CPNE4: variants seen among roughly 807,000 people sequenced by gnomAD.
CPNE4 encodes the protein copine-4.
A neutral mutation model predicts 67.9 loss-of-function variants in CPNE4; 25 were observed. That is an observed-to-expected ratio of 0.37 (90% CI 0.27 to 0.51). CPNE4 has a LOEUF of 0.51. Ranked by LOEUF, CPNE4 falls within the 20% of genes least tolerant of loss-of-function variation. CPNE4 has a pLI of 0.93. For synonymous variants in CPNE4, 242 were observed against 244.9 expected, an observed-to-expected ratio of 0.99 and a Z score of 0.11; for missense variants, 464 against 690.8, an observed-to-expected ratio of 0.67 and a Z score of 3.68.
chr3:131,861,219 T>C (rs2086664395), intron 2 of CPNE4, among the ~76,000 whole-genome samples: 1 of 152,322 alleles, frequency 6.6e-6, no homozygotes, highest in South Asian at 2.1e-4. Flanking sequence ...CATAGGTTAT[T>C]GTTTACTGCT....
At chr3:131,937,039 AG>A (rs1188268767) in intron 1 of CPNE4, among the ~76,000 whole-genome samples, 3 of 152,156 alleles carry the variant, frequency 2.0e-5, no homozygotes, top group Admixed American at 1.3e-4. Flanking sequence ...ATATGAGAAA[AG>A]CAAAGAAGAA....
chr3:132,001,607 GAAA>G lies in CPNE4; in HGVS notation c.-2+32957_-2+32959del, dbSNP rs1290977919. 3.4e-5 allele frequency among the ~76,000 whole-genome samples: 5 copies of G among 147,518 alleles called. 1 individual carries two copies. Among genetic ancestry groups the G allele is most frequent in the African/African-American group, 7.7e-5 (3 of 38,880 alleles). ...AGAAAGAAAGAAAGAAAGAAAGAAA[GAAA>G]GAAAGAAAATGAAGAGGAAGAGGAG... On this transcript the variant is annotated intron_variant, in intron 1 of 15. Coordinates refer to ENST00000429747, the MANE Select transcript of CPNE4 (RefSeq NM_130808.3).
At chr3:131,995,545 G>A (rs1487663069) in intron 1 of CPNE4, among the ~76,000 whole-genome samples, 1 of 152,154 alleles carries the variant, frequency 6.6e-6, no homozygotes, top group African/African-American at 2.4e-5. Flanking sequence ...ATGCCTCAGT[G>A]TGAGAAAAGA....
At chr3:131,598,950 A>G (rs958345735) in intron 7 of CPNE4, among the ~76,000 whole-genome samples, 1 of 152,108 alleles carries the variant, frequency 6.6e-6, no homozygotes, top group Admixed American at 6.6e-5. Context: ...TCAAAATTAA[A>G]GGCCAATTGG....
chr3:131,666,032 G>A lies in CPNE4; in HGVS notation c.681+3643C>T, dbSNP rs536840072. On this transcript the variant is annotated intron_variant, in intron 7 of 15. Coordinates refer to ENST00000429747, the MANE Select transcript of CPNE4 (RefSeq NM_130808.3). ...AGATAAGTTGTTTATAAAGCTCAAT[G>A]AAAAAAACAGGTAAAATATCCAGGA... is the stretch of plus-strand genomic sequence containing the variant. Among the ~76,000 whole-genome samples the A allele has an allele frequency of 2.6e-5, 4 of 151,870 alleles. No homozygotes were observed. In the South Asian group the frequency reaches 6.2e-4, roughly 24 times the overall value.
chr3:131,978,844 C>T (rs914570505), intron 1 of CPNE4, among the ~76,000 whole-genome samples: 2 of 151,618 alleles, frequency 1.3e-5, no homozygotes, highest in Non-Finnish European at 2.9e-5. Flanking sequence ...ATGAACTTTC[C>T]TCTTAGCACT....
intron 2 of CPNE4, among the ~76,000 whole-genome samples, chr3:131,806,176 T>A (rs1192518065): frequency 6.6e-6 from 1 of 152,256 alleles, no homozygotes; most frequent in African/African-American, 2.4e-5. Flanking sequence ...TTTTGTTGGC[T>A]GGAAGCCATC....
At chr3:131,858,016 T>A (rs1470247777) in intron 2 of CPNE4, among the ~76,000 whole-genome samples, 1 of 152,142 alleles carries the variant, frequency 6.6e-6, no homozygotes, top group Non-Finnish European at 1.5e-5. Flanking sequence ...TTCAATTTTT[T>A]AGAATAACCA....
chr3:132,025,900 C>T (rs1423000674), intron 1 of CPNE4, among the ~76,000 whole-genome samples: 2 of 152,162 alleles, frequency 1.3e-5, no homozygotes, highest in Non-Finnish European at 2.9e-5. Flanking sequence ...TAGTGGAGCA[C>T]ATTTGAGGTG....
intron 14 of CPNE4, among the ~76,000 whole-genome samples, chr3:131,545,370 A>T (rs1280477503): frequency 1.3e-5 from 2 of 152,196 alleles, no homozygotes; most frequent in Non-Finnish European, 1.5e-5. Flanking sequence ...GTCTCCATGG[A>T]CTACTGCAAG....
At chr3:131,671,124 A>T (rs1560087812) in intron 6 of CPNE4, among the ~76,000 whole-genome samples, 1 of 152,168 alleles carries the variant, frequency 6.6e-6, no homozygotes, top group Non-Finnish European at 1.5e-5. Flanking sequence ...TATCCAAATA[A>T]CATAATTCTT....
At chr3:131,759,040 A>G (rs2107810040) in intron 2 of CPNE4, among the ~76,000 whole-genome samples, 1 of 152,254 alleles carries the variant, frequency 6.6e-6, no homozygotes, top group East Asian at 1.9e-4. Flanking sequence ...TCAAAGAGAG[A>G]GTCAAACAGG....
chr3:131,693,301 G>A (rs2081072322), intron 5 of CPNE4, among the ~76,000 whole-genome samples: 1 of 152,044 alleles, frequency 6.6e-6, no homozygotes, highest in African/African-American at 2.4e-5. Flanking sequence ...CTTTTGTTTT[G>A]TTGTATGTAT....
At chr3:131,845,204 T>C (rs1038942148) in intron 2 of CPNE4, among the ~76,000 whole-genome samples, 2 of 152,214 alleles carry the variant, frequency 1.3e-5, no homozygotes, top group African/African-American at 4.8e-5. Flanking sequence ...TGTTGCATCA[T>C]CATAACCACC....
intron 1 of CPNE4, among the ~76,000 whole-genome samples, chr3:132,005,867 T>C (rs1300379877): frequency 6.6e-6 from 1 of 152,060 alleles, no homozygotes; most frequent in Non-Finnish European, 1.5e-5. Context: ...GAAACAGTCC[T>C]TGCCTCCTGG....
chr3:131,612,210 C>A (rs1248789964), intron 7 of CPNE4, among the ~76,000 whole-genome samples: 1 of 152,042 alleles, frequency 6.6e-6, no homozygotes, highest in East Asian at 1.9e-4. Flanking sequence ...CCCATGTCTA[C>A]TAGAAATATG....
chr3:131,846,646 G>A (rs1156637310), intron 2 of CPNE4, among the ~76,000 whole-genome samples: 2 of 152,144 alleles, frequency 1.3e-5, no homozygotes, highest in Non-Finnish European at 2.9e-5. Flanking sequence ...AGAAAACATG[G>A]CAAAAATAGA....
chr3:132,006,801 G>A (rs776859391), intron 1 of CPNE4, among the ~76,000 whole-genome samples: 5 of 152,088 alleles, frequency 3.3e-5, no homozygotes, highest in Non-Finnish European at 7.4e-5. Flanking sequence ...CCGCAAAGGG[G>A]CAGTGTGGAG....
intron 7 of CPNE4, among the ~76,000 whole-genome samples, chr3:131,628,145 A>T (rs2079124584): frequency 6.6e-6 from 1 of 152,136 alleles, no homozygotes; most frequent in Admixed American, 6.5e-5. Context: ...TGCCACAGCC[A>T]CCCCAATCTT....
Sources: gnomAD v4.1 joint callset for allele counts (sites outside exome capture counted in the v4.1 genomes callset) on GRCh38, gnomAD v4.1.1 for gene constraint, MANE v1.5 for transcripts, NCBI Gene and HGNC (gene_info 2026-07-23, HGNC 2026-07-21) for gene names.